The following CD84 variants were observed in gnomAD, a reference collection of about 807,000 sequenced individuals.
The protein encoded by CD84 is SLAM family member 5.
In CD84, 22 loss-of-function variants were observed where a neutral mutation model predicts 33.8. The ratio of observed to expected loss-of-function variants is 0.65; its 90% CI spans 0.46 to 0.93. CD84 has a LOEUF of 0.93. Ranked by LOEUF, CD84 falls within the 40% of genes least tolerant of loss-of-function variation. CD84 has a pLI of 0.00. For synonymous variants in CD84, 154 were observed against 145.2 expected (o/e 1.06, Z -0.44); for missense variants, 400 against 397.6 (o/e 1.01, Z -0.05).
intron 2 of CD84, among the ~76,000 whole-genome samples, chr1:160,558,411 A>G (rs1011249989): frequency 9.9e-5 from 15 of 152,210 alleles, no homozygotes; most frequent in African/African-American, 3.4e-4. Context: ...TAGCCTGACT[A>G]TTGAAAGAAA....
intron 2 of CD84, among the ~76,000 whole-genome samples, chr1:160,558,026 C>A (rs1272880268): frequency 1.3e-5 from 2 of 152,208 alleles, no homozygotes; most frequent in Non-Finnish European, 2.9e-5. Context: ...ACCATTTCTG[C>A]CATTCAGTCA....
Position 160,575,059 on chromosome 1 carries a change from A to G in CD84, c.46+4333T>C, listed in dbSNP as rs183667869. Among the ~76,000 whole-genome samples the G allele has an allele frequency of 3.5e-4, 53 of 152,270 alleles. 1 individual carries two copies. The highest frequency in any genetic ancestry group is 1.6e-3 in the Admixed American group (24 of 15,290). On this transcript the variant is annotated intron_variant, in intron 1 of 6. Transcript: ENST00000368054. ...ATGGGGAAGACTGCACAGTTGCTTA[A>G]CAGACACCTCCACCCCCTTACTTTC...
chr1:160,555,934 T>G (rs1656579853), intron 2 of CD84, among the ~76,000 whole-genome samples: 1 of 152,194 alleles, frequency 6.6e-6, no homozygotes, highest in Non-Finnish European at 1.5e-5. Context: ...TATTCCATAT[T>G]AGAATTAGTG....
intron 2 of CD84, among the ~76,000 whole-genome samples, chr1:160,563,864 C>A (rs1321210803): frequency 6.6e-6 from 1 of 152,164 alleles, no homozygotes; most frequent in Non-Finnish European, 1.5e-5. Flanking sequence ...GGACTCACCA[C>A]ATTTCAGATG....
At chr1:160,567,422 C>A in intron 1 of CD84, among the ~76,000 whole-genome samples, 1 of 152,038 alleles carries the variant, frequency 6.6e-6, no homozygotes, top group Non-Finnish European at 1.5e-5. Context: ...CGGGACAAGG[C>A]CTGAGGATTT....
chr1:160,555,874 G>A (rs1216358234), intron 2 of CD84, among the ~76,000 whole-genome samples: 1 of 152,192 alleles, frequency 6.6e-6, no homozygotes, highest in Non-Finnish European at 1.5e-5. Context: ...AAAAATGTTT[G>A]ATTCCAAGCT....
intron 6 of CD84, among the ~76,000 whole-genome samples, chr1:160,549,689 G>A (rs1263425465): frequency 6.6e-6 from 1 of 152,162 alleles, no homozygotes; most frequent in African/African-American, 2.4e-5. Flanking sequence ...TGCATTTGAA[G>A]GGTGGGATCA....
In CD84 at chr1:160,547,289, G is replaced by A. The variant is rs1655885142; in HGVS notation, c.*967C>T. The A allele has an allele frequency of 2.5e-6, 1 of 397,772 alleles. No individual in the cohort carries two copies. The highest frequency in any genetic ancestry group is 2.1e-5 in the African/African-American group (1 of 48,592). 24.6% of individuals were successfully genotyped at this position (397,772 alleles called of 1,614,324 possible). A position where few individuals can be genotyped will look rare whatever the true frequency, so the allele number is the denominator to read the frequency against. ...TCTTGCAAGGTCTTCTATTTTGATG[G>A]TTGGATTATACCCAGTTCCCCAGAA... On this transcript the variant is annotated 3_prime_UTR_variant, in exon 7 of 7. Transcript: ENST00000368054.
At position 160,565,572 on chromosome 1, in the gene CD84, C is replaced by T; in HGVS notation, c.220G>A (p.Val74Ile). 6.2e-7 allele frequency: 1 copy of T among 1,613,992 alleles called. No homozygotes were observed. Residue 74 changes from valine (V) to isoleucine (I), a missense_variant, in exon 2 of 7, where the codon GTT becomes ATT. Physicochemically the swap from Val to Ile is conservative, Grantham distance 29 (BLOSUM62 3). Transcript: ENST00000368054. ...TAATAATTTCTGTGGGTCACAGTAA[C>T]TACGGGTGCTGTTTCTGAGTCTCCT... is the stretch of plus-strand genomic sequence containing the variant. ...TPGDSETAPV[V>I]TVTHRNYYER...
chr1:160,564,424 A>G (rs1657187479), intron 2 of CD84, among the ~76,000 whole-genome samples: 1 of 152,232 alleles, frequency 6.6e-6, no homozygotes, highest in African/African-American at 2.4e-5. Context: ...TTTATCCCAG[A>G]GAAATAAAAA....
intron 1 of CD84, among the ~76,000 whole-genome samples, chr1:160,569,408 G>A (rs1447540146): frequency 1.3e-5 from 2 of 152,008 alleles, no homozygotes; most frequent in Admixed American, 1.3e-4. Flanking sequence ...ATAACTTGTG[G>A]CACAAAAACA....
intron 5 of CD84, chr1:160,550,731 C>T (rs1656154731): frequency 1.0e-6 from 1 of 985,242 alleles, no homozygotes; most frequent in Admixed American, 6.1e-5. Flanking sequence ...CCCATGGAGG[C>T]TGCCATGGGG....
chr1:160,564,277 A>G (rs965219097), intron 2 of CD84, among the ~76,000 whole-genome samples: 5 of 152,234 alleles, frequency 3.3e-5, no homozygotes, highest in Non-Finnish European at 5.9e-5. Flanking sequence ...ATGAAAAATA[A>G]TAACACCAAA....
chr1:160,552,555 T>C, intron 4 of CD84: 1 of 607,664 alleles, frequency 1.6e-6, no homozygotes. Context: ...AAGCTTACAA[T>C]GATAAAAAAA....
Position 160,547,872 on chromosome 1 carries a change from G to A in CD84, c.*384C>T, listed in dbSNP as rs1655925444. The A allele has an allele frequency of 7.9e-6, 2 of 254,108 alleles. No homozygotes were observed. The highest frequency in any genetic ancestry group is 1.1e-4 in the East Asian group (1 of 9,512). 15.7% of individuals were successfully genotyped at this position (254,108 alleles called of 1,614,324 possible). On this transcript the variant is annotated 3_prime_UTR_variant, in exon 7 of 7. Coordinates refer to ENST00000368054, the MANE Select transcript of CD84 (RefSeq NM_003874.4). ...TGATCCCCTTCTCCCACAGTTACTG[G>A]GCAGGGTTGTTACCTCCAGTCACAA...
chr1:160,567,767 T>C (rs1480800421), intron 1 of CD84, among the ~76,000 whole-genome samples: 1 of 152,128 alleles, frequency 6.6e-6, no homozygotes, highest in Non-Finnish European at 1.5e-5. Context: ...TTGCCAAAAT[T>C]TAAGAACATT....
chr1:160,553,709 T>C (rs1571352387), intron 3 of CD84, 186 bp downstream of exon 3: 1 of 1,012,492 alleles, frequency 9.9e-7, no homozygotes, highest in East Asian at 2.6e-5. Flanking sequence ...CACCCAGAAA[T>C]GTCTAGCATC....
Position 160,577,825 on chromosome 1 carries a change from A to G in CD84, c.46+1567T>C, listed in dbSNP as rs141392958. Among the ~76,000 whole-genome samples, 314 of 152,332 alleles carry G rather than the reference A, an allele frequency of 2.1e-3. 1 individual carries two copies. Among genetic ancestry groups the G allele is most frequent in the African/African-American group, 7.3e-3 (303 of 41,578 alleles). On this transcript the variant is annotated intron_variant, in intron 1 of 6. Coordinates refer to ENST00000368054, the MANE Select transcript of CD84 (RefSeq NM_003874.4). Reference sequence around the variant, plus strand: ...TAATACCTCCCCATTTTGAAGCTGAAACAAGAGTCAGAGGAGGAATGTAAC... The same window carrying G: ...TAATACCTCCCCATTTTGAAGCTGAGACAAGAGTCAGAGGAGGAATGTAAC...
At chr1:160,549,441 A>C (rs1352018360) in intron 6 of CD84, among the ~76,000 whole-genome samples, 6 of 151,868 alleles carry the variant, frequency 4.0e-5, no homozygotes, top group Admixed American at 6.6e-5. Context: ...ATAAGGCACA[A>C]GGCACTTGGC....
Sources: allele counts gnomAD v4.1 joint callset (sites outside exome capture counted in the v4.1 genomes callset), GRCh38; gene constraint gnomAD v4.1.1; transcripts MANE v1.5; gene names NCBI Gene and HGNC (gene_info 2026-07-23, HGNC 2026-07-21).